Variants in CCDC66 observed in about 807,000 individuals in gnomAD.
CCDC66 encodes coiled-coil domain-containing protein 66.
In CCDC66, 133 loss-of-function variants were observed where a neutral mutation model predicts 128.3. The ratio of observed to expected loss-of-function variants is 1.04; its 90% CI spans 0.90 to 1.20. The LOEUF is 1.20. CCDC66 is among the 50% of genes most tolerant of loss of function. The probability of loss-of-function intolerance (pLI) is 0.00; values close to 1 mark genes in which losing one functional copy is unlikely to be tolerated. For missense variants in CCDC66, 1,126 were observed against 1,075.5 expected (o/e 1.05, Z -0.66); for synonymous variants, 387 against 357.0 (o/e 1.08, Z -0.95).
intron 10 of CCDC66, 91 bp downstream of exon 10, chr3:56,594,119 T>C (rs2071418307): frequency 1.7e-6 from 2 of 1,175,036 alleles, no homozygotes; most frequent in Non-Finnish European, 2.6e-6. Flanking sequence ...AATTCTGATG[T>C]AAACTTTACA....
intron 8 of CCDC66, 134 bp from the exon 9 acceptor site, chr3:56,593,357 G>A: frequency 1.0e-6 from 1 of 983,574 alleles, no homozygotes; most frequent in Non-Finnish European, 1.5e-6. Context: ...ACTCTAAACA[G>A]TACAGTCTTG....
chr3:56,616,441 CTTCT>C (rs1482635579), intron 13 of CCDC66: 31 of 194,754 alleles, frequency 1.6e-4, no homozygotes, highest in African/African-American at 6.0e-4. Context: ...TCTTCTCTGG[CTTCT>C]TTCTCTCTTA....
intron 7 of CCDC66, among the ~76,000 whole-genome samples, chr3:56,583,828 G>T (rs1016649682): frequency 2.0e-5 from 3 of 151,852 alleles, no homozygotes; most frequent in Admixed American, 6.6e-5. Context: ...CTCCCAGACG[G>T]GGTGGCGGCC....
At chr3:56,610,270 T>G (rs2074609658) in intron 10 of CCDC66, among the ~76,000 whole-genome samples, 1 of 152,196 alleles carries the variant, frequency 6.6e-6, no homozygotes, top group Non-Finnish European at 1.5e-5. Flanking sequence ...TCAATTCTAT[T>G]GCTGAGACTT....
At chr3:56,591,112 A>G (rs2070812717) in intron 7 of CCDC66, among the ~76,000 whole-genome samples, 1 of 152,200 alleles carries the variant, frequency 6.6e-6, no homozygotes. Context: ...CTTGTGAAAA[A>G]GAATGTAAGA....
intron 7 of CCDC66, among the ~76,000 whole-genome samples, chr3:56,585,349 A>G (rs995325292): frequency 1.7e-4 from 26 of 151,790 alleles, no homozygotes; most frequent in African/African-American, 6.0e-4. Context: ...ACAGTGAGGA[A>G]AAAGAAGAAA....
At chr3:56,585,459 G>C (rs1249382065) in intron 7 of CCDC66, among the ~76,000 whole-genome samples, 1 of 151,662 alleles carries the variant, frequency 6.6e-6, no homozygotes, top group Non-Finnish European at 1.5e-5. Context: ...ATACAATCTT[G>C]AATCATAGGC....
At chr3:56,592,751 A>C (rs2071148810) in intron 7 of CCDC66, among the ~76,000 whole-genome samples, 1 of 152,106 alleles carries the variant, frequency 6.6e-6, no homozygotes. Flanking sequence ...TAGATATCTT[A>C]TTATATATCT....
intron 4 of CCDC66, among the ~76,000 whole-genome samples, chr3:56,566,313 C>A (rs1178310551): frequency 6.6e-6 from 1 of 151,896 alleles, no homozygotes; most frequent in African/African-American, 2.4e-5. Flanking sequence ...TTTGTAGAGA[C>A]GAGGTTTTGT....
At chr3:56,587,991 A>G (rs188287184) in intron 7 of CCDC66, among the ~76,000 whole-genome samples, 1 of 152,404 alleles carries the variant, frequency 6.6e-6, no homozygotes, top group East Asian at 1.9e-4. Flanking sequence ...ATACTTGGAC[A>G]CACATTTATA....
intron 7 of CCDC66, among the ~76,000 whole-genome samples, chr3:56,587,751 C>T (rs543035664): frequency 6.6e-6 from 1 of 152,264 alleles, no homozygotes; most frequent in Admixed American, 6.5e-5. Context: ...CGCCTGTAAT[C>T]CCAGCTACTC....
intron 10 of CCDC66, among the ~76,000 whole-genome samples, chr3:56,596,870 T>C (rs2072052183): frequency 6.7e-6 from 1 of 150,156 alleles, no homozygotes. Context: ...TTCTCCCTGC[T>C]CAGCCTCCTG....
chr3:56,598,243 C>T (rs1226928515), intron 10 of CCDC66, among the ~76,000 whole-genome samples: 1 of 151,914 alleles, frequency 6.6e-6, no homozygotes, highest in Non-Finnish European at 1.5e-5. Context: ...CTACAACCTC[C>T]ACCTTCTGGG....
In CCDC66 at chr3:56,617,463, T is replaced by A; in HGVS notation, c.2195T>A (p.Val732Glu). 1.9e-6 allele frequency: 3 copies of A among 1,613,676 alleles called. No individual in the cohort carries two copies. The highest frequency in any genetic ancestry group is 2.5e-6 in the Non-Finnish European group (3 of 1,179,874). ...CAAAAGCAGAGAGAAGAAAAAAAAG[T>A]AAGGAGGCAGATGGAATTGCTTCAT... is the stretch of plus-strand genomic sequence containing the variant. ...QLQKQREEKK[V>E]RRQMELLHLV... The change falls in exon 14 of 18, where the codon GTA becomes GAA. Residue 732 changes from valine to glutamate, a missense_variant. Val to Glu is a moderately radical substitution (Grantham distance 121, BLOSUM62 -2). Coordinates refer to ENST00000394672, the MANE Select transcript of CCDC66 (RefSeq NM_001141947.3).
At chr3:56,580,601 C>G (rs1455417655) in intron 7 of CCDC66, among the ~76,000 whole-genome samples, 3 of 151,650 alleles carry the variant, frequency 2.0e-5, no homozygotes, top group Non-Finnish European at 2.9e-5. Flanking sequence ...GTAAGGCAGG[C>G]CTGGTGGTGA....
At chr3:56,570,095 C>G (rs531820057) in intron 6 of CCDC66, 2 of 152,180 alleles carry the variant, frequency 1.3e-5, no homozygotes, top group Non-Finnish European at 2.9e-5. Flanking sequence ...CTTGGCCTCC[C>G]GAAGTGCTGT....
chr3:56,593,099 AAGGTAACTT>A lies in CCDC66; in HGVS notation c.1068_1068+8del. On this transcript the variant is annotated splice_donor_variant and splice_donor_5th_base_variant and coding_sequence_variant and intron_variant, in exon 8 of 18. Transcript: ENST00000394672. LOFTEE classifies it high-confidence loss of function. ...AATAGAGGAAAAAATTATATATTCA[AAGGTAACTT>A]ATGAGGTTTTGTGGCTATAAAAGAA... is the stretch of plus-strand genomic sequence containing the variant. The A allele has an allele frequency of 6.3e-7, 1 of 1,584,404 alleles. No individual in the cohort carries two copies. The highest frequency in any genetic ancestry group is 1.1e-5 in the South Asian group (1 of 87,468).
rs1215973156 is a variant in CCDC66 at position 56,587,165 on chromosome 3, G to A, written c.937-5805G>A. Among the ~76,000 whole-genome samples, 4 of 151,880 alleles carry A rather than the reference G, an allele frequency of 2.6e-5. No homozygotes were observed. In the South Asian group the frequency reaches 6.2e-4, roughly 24 times the overall value. ...GGAAAAAATGAAAGTGTAGTTATTC[G>A]TCATGTGTATAGAAACCCCAAAGAA... is the stretch of plus-strand genomic sequence containing the variant. On this transcript the variant is annotated intron_variant, in intron 7 of 17. Transcript: ENST00000394672.
At position 56,571,213 on chromosome 3, in the gene CCDC66, G is replaced by A; in HGVS notation, c.847G>A (p.Glu283Lys). The A allele has an allele frequency of 5.2e-6, 8 of 1,529,466 alleles. No homozygotes were observed. The highest frequency in any genetic ancestry group is 7.1e-6 in the Non-Finnish European group (8 of 1,121,534). 94.7% of individuals were successfully genotyped at this position (1,529,466 alleles called of 1,614,324 possible). A position where few individuals can be genotyped will look rare whatever the true frequency, so the allele number is the denominator to read the frequency against. Residue 283 changes from glutamate (E) to lysine (K), a missense_variant, in exon 7 of 18, where the codon GAA becomes AAA. Transcript: ENST00000394672. ...EQVALKKKEK[E>K]VSEKWNDPWK... ...GGTTGCTTTAAAGAAGAAAGAAAAA[G>A]AAGTTTCTGAAAAATGGAATGATCC...
Sources: allele counts gnomAD v4.1 joint callset (sites outside exome capture counted in the v4.1 genomes callset), GRCh38; gene constraint gnomAD v4.1.1; transcripts MANE v1.5; gene names NCBI Gene and HGNC (gene_info 2026-07-23, HGNC 2026-07-21).